Variants in GIMAP8 observed in about 807,000 individuals in gnomAD.
GIMAP8 encodes GTPase IMAP family member 8.
A neutral mutation model predicts 35.6 loss-of-function variants in GIMAP8; 29 were observed. The ratio of observed to expected loss-of-function variants is 0.81; its 90% CI spans 0.61 to 1.11. The LOEUF (loss-of-function observed/expected upper bound fraction) is 1.11, where lower values mean the gene tolerates loss of function less well. GIMAP8 is among the 50% of genes most tolerant of loss of function. The pLI is 0.00. For synonymous variants in GIMAP8, 335 were observed against 308.7 expected (o/e 1.09, Z -0.89); for missense variants, 811 against 805.0 (o/e 1.01, Z -0.09).
intron 1 of GIMAP8, among the ~76,000 whole-genome samples, chr7:150,465,932 A>G (rs1025002552): frequency 1.3e-5 from 2 of 152,174 alleles, no homozygotes; most frequent in Non-Finnish European, 2.9e-5. Flanking sequence ...TATCTTATGG[A>G]TTAGGACACT....
intron 1 of GIMAP8, among the ~76,000 whole-genome samples, chr7:150,465,987 C>T (rs1451822768): frequency 6.6e-6 from 1 of 152,114 alleles, no homozygotes; most frequent in Non-Finnish European, 1.5e-5. Flanking sequence ...TCAGCTAATG[C>T]GTGCAGAGCA....
chr7:150,462,193 A>G (rs962778911), intron 1 of GIMAP8, among the ~76,000 whole-genome samples: 4 of 152,228 alleles, frequency 2.6e-5, no homozygotes, highest in South Asian at 2.1e-4. Context: ...ACAAATCACA[A>G]TGGTGGAATG....
At chr7:150,461,068 A>G (rs1801835424) in intron 1 of GIMAP8, among the ~76,000 whole-genome samples, 2 of 152,262 alleles carry the variant, frequency 1.3e-5, no homozygotes, top group Admixed American at 1.3e-4. Context: ...ACAATATCCC[A>G]TATTGGCTAC....
At position 150,473,584 on chromosome 7, in the gene GIMAP8, C is replaced by CT. The variant is rs1030230745; in HGVS notation, c.683-419dup. ...ATCTATACTGCATATCGCTAGTTCACTTTTTTTTTAATTGCTGAGTGTATT... is the reference window on the plus strand; with the variant it reads ...ATCTATACTGCATATCGCTAGTTCACTTTTTTTTTTAATTGCTGAGTGTATT... On this transcript the variant is annotated intron_variant, in intron 3 of 4. Coordinates refer to ENST00000307271, the MANE Select transcript of GIMAP8 (RefSeq NM_175571.4). Among the ~76,000 whole-genome samples the CT allele has an allele frequency of 4.7e-5, 7 of 148,514 alleles. No individual in the cohort carries two copies. In the East Asian group the frequency reaches 5.9e-4, roughly 13 times the overall value.
intron 1 of GIMAP8, among the ~76,000 whole-genome samples, chr7:150,456,601 C>T (rs1316699949): frequency 1.3e-5 from 2 of 152,192 alleles, no homozygotes; most frequent in African/African-American, 2.4e-5. Context: ...ATTGGCAAGG[C>T]CCCTTTTACC....
intron 1 of GIMAP8, among the ~76,000 whole-genome samples, chr7:150,466,450 T>A (rs1007452962): frequency 2.6e-5 from 4 of 151,800 alleles, no homozygotes; most frequent in South Asian, 2.1e-4. Flanking sequence ...AAAAAAAAAA[T>A]TTAAGGAACT....
Position 150,466,952 on chromosome 7 carries a change from A to G in GIMAP8, c.254A>G (p.His85Arg). ...CAEDKQRNIQ[H>R]CLELSAPSLH... ...GAAGACAAGCAACGCAACATCCAAC[A>G]CTGCTTGGAGCTCTCTGCTCCCAGC... Residue 85 changes from histidine to arginine, a missense_variant, in exon 2 of 5, where the codon CAC becomes CGC. Physicochemically the swap from His to Arg is conservative, Grantham distance 29. Transcript: ENST00000307271. 1 of 1,614,240 alleles carries G rather than the reference A, an allele frequency of 6.2e-7. No individual in the cohort carries two copies. Among genetic ancestry groups the G allele is most frequent in the Non-Finnish European group, 8.5e-7 (1 of 1,180,034 alleles).
chr7:150,471,890 A>G (rs1802100926), intron 3 of GIMAP8, among the ~76,000 whole-genome samples: 1 of 152,162 alleles, frequency 6.6e-6, no homozygotes, highest in South Asian at 2.1e-4. Context: ...ACTTTCATAA[A>G]TATGTAATTC....
rs1357852628 is a variant in GIMAP8 at position 150,470,770 on chromosome 7, A to ATTTTTTT, written c.637-59_637-58insTTTTTTT. On this transcript the variant is annotated intron_variant, in intron 2 of 4. Transcript: ENST00000307271. ...CCTTTTTTTTTTTTTTTTTTTTTTC[A>ATTTTTTT]GTTTGTGGAAGATGAGGTTTTAGAT... The ATTTTTTT allele has an allele frequency of 2.2e-3, 500 of 223,764 alleles. 2 individuals carry two copies. Among genetic ancestry groups the ATTTTTTT allele is most frequent in the East Asian group, 3.1e-3 (37 of 11,758 alleles). 13.9% of individuals were successfully genotyped at this position (223,764 alleles called of 1,614,324 possible). A position where few individuals can be genotyped will look rare whatever the true frequency, so the allele number is the denominator to read the frequency against.
Position 150,467,242 on chromosome 7 carries a change from G to T in GIMAP8, c.544G>T (p.Val182Leu), listed in dbSNP as rs1801986567. The T allele has an allele frequency of 6.2e-7, 1 of 1,614,112 alleles. No individual in the cohort carries two copies. The highest frequency in any genetic ancestry group is 2.2e-5 in the East Asian group (1 of 44,898). The change falls in exon 2 of 5, where the codon GTG (valine) becomes TTG (leucine). Residue 182 changes from valine (V) to leucine (L), a missense_variant. By Grantham distance (32) the Val-to-Leu change is conservative. Transcript: ENST00000307271. The part of the protein sequence containing the change: ...TNSKDEQITQ[V>L]LELLRKVESL... ...TAGTAAGGATGAGCAGATCACCCAG[G>T]TGTTGGAGCTCCTTCGCAAGGTTGA...
intron 1 of GIMAP8, among the ~76,000 whole-genome samples, chr7:150,455,308 A>G (rs1395414558): frequency 6.6e-6 from 1 of 152,240 alleles, no homozygotes; most frequent in Non-Finnish European, 1.5e-5. Flanking sequence ...TAAAAGTCCT[A>G]TACCAGATTA....
chr7:150,463,986 G>A (rs1438724133), intron 1 of GIMAP8, among the ~76,000 whole-genome samples: 3 of 152,212 alleles, frequency 2.0e-5, no homozygotes, highest in South Asian at 2.1e-4. Flanking sequence ...ATGGGCGCTG[G>A]TGGTGGCAGT....
chr7:150,474,692 T>C (rs1382945213), intron 4 of GIMAP8, 54 bp downstream of exon 4: 1 of 1,119,328 alleles, frequency 8.9e-7, no homozygotes, highest in Non-Finnish European at 1.2e-6. Context: ...AAAATAGGTA[T>C]AAAATATATA....
At position 150,451,801 on chromosome 7, in the gene GIMAP8, G is replaced by A. The variant is rs892299511; in HGVS notation, c.-29+626G>A. 6.6e-6 allele frequency among the ~76,000 whole-genome samples: 1 copy of A among 152,202 alleles called. No homozygotes were observed. The highest frequency in any genetic ancestry group is 1.5e-5 in the Non-Finnish European group (1 of 68,036). On this transcript the variant is annotated intron_variant, in intron 1 of 4. Coordinates refer to ENST00000307271, the MANE Select transcript of GIMAP8 (RefSeq NM_175571.4). This position sits in a 1 kb window ranked among gnomAD's most constrained non-coding sequence, Gnocchi z 4.1. ...TGAACTGGGCATTGGAGGGATTGGA[G>A]GGGTCAAGACCTTACCAAAAGCAAT... is the stretch of plus-strand genomic sequence containing the variant.
At chr7:150,457,210 T>C (rs575245813) in intron 1 of GIMAP8, among the ~76,000 whole-genome samples, 1 of 152,378 alleles carries the variant, frequency 6.6e-6, no homozygotes, top group East Asian at 1.9e-4. Context: ...AGCAGGAACA[T>C]GTCCTTAAGG....
In GIMAP8 at chr7:150,474,354, C is replaced by T. The variant is rs752841222; in HGVS notation, c.1025C>T (p.Ala342Val). ...PLGFYTKNDEAVLSTIQNNFG... is the reference protein window; with the variant it reads ...PLGFYTKNDEVVLSTIQNNFG... ...GGCTTTTACACTAAGAATGATGAGG[C>T]AGTGCTGAGCACCATCCAAAACAAT... The change falls in exon 4 of 5, where the codon GCA becomes GTA. Residue 342 changes from alanine to valine, a missense_variant. Physicochemically the swap from Ala to Val is moderately conservative, Grantham distance 64. Coordinates refer to ENST00000307271, the MANE Select transcript of GIMAP8 (RefSeq NM_175571.4). 3.1e-6 allele frequency: 5 copies of T among 1,614,174 alleles called. No individual in the cohort carries two copies. Among genetic ancestry groups the T allele is most frequent in the Admixed American group, 1.7e-5 (1 of 60,030 alleles).
intron 1 of GIMAP8, among the ~76,000 whole-genome samples, chr7:150,463,885 G>T (rs1801895130): frequency 6.6e-6 from 1 of 152,158 alleles, no homozygotes; most frequent in Non-Finnish European, 1.5e-5. Flanking sequence ...CAGGTTTGGT[G>T]GGCCAGTCTT....
intron 1 of GIMAP8, among the ~76,000 whole-genome samples, chr7:150,457,075 A>G (rs1442560424): frequency 6.6e-6 from 1 of 152,238 alleles, no homozygotes; most frequent in African/African-American, 2.4e-5. Flanking sequence ...GAGAGCCTTG[A>G]ACAGAGTTTC....
intron 1 of GIMAP8, 71 bp from the exon 2 acceptor site, chr7:150,466,600 C>G: frequency 1.5e-6 from 2 of 1,355,190 alleles, no homozygotes; most frequent in Non-Finnish European, 1.0e-6. Context: ...AAGAGAATGT[C>G]TTTTCTTGCT....
Sources: allele counts gnomAD v4.1 joint callset (sites outside exome capture counted in the v4.1 genomes callset), GRCh38; gene constraint gnomAD v4.1.1; non-coding constraint Gnocchi (gnomAD v3.1); transcripts MANE v1.5; gene names NCBI Gene and HGNC (gene_info 2026-07-23, HGNC 2026-07-21).